The following SKP2 variants were observed in gnomAD, a reference collection of about 807,000 sequenced individuals.
SKP2 encodes S-phase kinase-associated protein 2.
In SKP2, 16 loss-of-function variants were observed where a neutral mutation model predicts 51.8. The observed-to-expected ratio is 0.31, with a 90% CI of 0.21 to 0.47. The LOEUF (loss-of-function observed/expected upper bound fraction) is 0.47, where lower values mean the gene tolerates loss of function less well. Ranked by LOEUF, SKP2 falls within the 20% of genes least tolerant of loss-of-function variation. The pLI is 1.00. For synonymous variants in SKP2, 176 were observed against 198.6 expected (o/e 0.89, Z 0.96); for missense variants, 377 against 505.3 (o/e 0.75, Z 2.43).
At position 36,166,543 on chromosome 5, in the gene SKP2, C is replaced by G. The variant is rs1745294342; in HGVS notation, c.417C>G (p.Thr139=). 1 of 1,614,020 alleles carries G rather than the reference C, an allele frequency of 6.2e-7. No individual in the cohort carries two copies. The change falls in exon 4 of 10, where the codon ACC becomes ACG. Residue 139 remains threonine, a synonymous_variant. Coordinates refer to ENST00000274255, the MANE Select transcript of SKP2 (RefSeq NM_005983.4). ...RLASDESLWQ[T]LDLTGKNLHP... ...GGTCTGATGAGTCTCTATGGCAGAC[C>G]TTAGACCTCACAGGTAAAAATCTGC... is the stretch of plus-strand genomic sequence containing the variant.
chr5:36,175,130 TAAG>T (rs1252218097), intron 7 of SKP2, among the ~76,000 whole-genome samples: 2 of 152,096 alleles, frequency 1.3e-5, no homozygotes, highest in Non-Finnish European at 2.9e-5. Flanking sequence ...CTTAAGGTGG[TAAG>T]AAATGATCAG....
chr5:36,185,005 G>A (rs1436274548), downstream of SKP2, among the ~76,000 whole-genome samples: 1 of 152,168 alleles, frequency 6.6e-6, no homozygotes, highest in Non-Finnish European at 1.5e-5. Flanking sequence ...GCATTTCTCT[G>A]ATGGCCAGTG....
At chr5:36,169,445 G>GA (rs3838319) in intron 5 of SKP2, among the ~76,000 whole-genome samples, 127,399 of 149,882 alleles carry the variant, frequency 0.85, 54,902 homozygotes, top group Non-Finnish European at 0.92. Flanking sequence ...AACTCCATCT[G>GA]AAAAAAAAAT....
At chr5:36,170,464 AT>A in intron 6 of SKP2, 22 bp downstream of exon 6, 1 of 1,361,918 alleles carries the variant, frequency 7.3e-7, no homozygotes, top group Non-Finnish European at 1.0e-6. Context: ...GTGAGACTTG[AT>A]TATAGACTCT....
Position 36,180,366 on chromosome 5 carries a change from T to G in SKP2, c.1062-1452T>G, listed in dbSNP as rs894330713. 7.1e-6 allele frequency: 5 copies of G among 708,858 alleles called. No individual in the cohort carries two copies. The Admixed American group carries it at 1.1e-4, about 16-fold the overall frequency. 43.9% of individuals were successfully genotyped at this position (708,858 alleles called of 1,614,324 possible). ...TGTTTCTACATTCCAGAAAGCAGTTTACTTAATGACAGCAATTTGTTCTTT... is the reference window on the plus strand; with the variant it reads ...TGTTTCTACATTCCAGAAAGCAGTTGACTTAATGACAGCAATTTGTTCTTT... On this transcript the variant is annotated intron_variant, in intron 9 of 9. Transcript: ENST00000274255.
chr5:36,191,221 T>TAAC (rs1476653360), intron 6 of SKP2, among the ~76,000 whole-genome samples: 2 of 152,106 alleles, frequency 1.3e-5, no homozygotes, highest in African/African-American at 4.8e-5. Context: ...AGATACTTGG[T>TAAC]AACATCTGAA....
At chr5:36,161,834 A>C (rs1205896421) in intron 2 of SKP2, among the ~76,000 whole-genome samples, 3 of 152,222 alleles carry the variant, frequency 2.0e-5, no homozygotes, top group African/African-American at 4.8e-5. Flanking sequence ...GTAGGAGGAG[A>C]GAATATCACC....
chr5:36,183,062 T>A lies in SKP2; in HGVS notation c.*1031T>A. ...TATCCATATATAAGGTTATCAGACC[T>A]ACAGTTCCCTAAGAGGAACTGCATG... On this transcript the variant is annotated 3_prime_UTR_variant, in exon 10 of 10. Transcript: ENST00000274255. 1.0e-6 allele frequency: 1 copy of A among 977,694 alleles called. No individual in the cohort carries two copies. Among genetic ancestry groups the A allele is most frequent in the Non-Finnish European group, 1.2e-6 (1 of 822,940 alleles). 60.6% of individuals were successfully genotyped at this position (977,694 alleles called of 1,614,324 possible).
At chr5:36,187,067 T>G (rs1745962287), downstream of SKP2, among the ~76,000 whole-genome samples, 1 of 152,228 alleles carries the variant, frequency 6.6e-6, no homozygotes, top group Non-Finnish European at 1.5e-5. Context: ...GTAGTTTGTA[T>G]TTCTGTGGGA....
chr5:36,158,032 G>A (rs1450651835), intron 2 of SKP2, among the ~76,000 whole-genome samples: 2 of 152,226 alleles, frequency 1.3e-5, no homozygotes, highest in African/African-American at 4.8e-5. Context: ...ATTGGAAACA[G>A]TGGTAGGTGA....
intron 3 of SKP2, among the ~76,000 whole-genome samples, chr5:36,165,131 A>G (rs1745245955): frequency 6.6e-6 from 1 of 152,208 alleles, no homozygotes; most frequent in Non-Finnish European, 1.5e-5. Context: ...GCTTTGTGAC[A>G]GGTGCAGTGT....
chr5:36,167,443 C>T (rs1051644361), intron 4 of SKP2, among the ~76,000 whole-genome samples: 1 of 152,126 alleles, frequency 6.6e-6, no homozygotes, highest in Admixed American at 6.5e-5. Context: ...CAAATGCTGT[C>T]CCTGGACAAG....
chr5:36,181,798 G>A lies in SKP2; in HGVS notation c.1062-20G>A. 1 of 1,613,308 alleles carries A rather than the reference G, an allele frequency of 6.2e-7. No individual in the cohort carries two copies. The highest frequency in any genetic ancestry group is 8.5e-7 in the Non-Finnish European group (1 of 1,179,552). On this transcript the variant is annotated intron_variant, in intron 9 of 9. Coordinates refer to ENST00000274255, the MANE Select transcript of SKP2 (RefSeq NM_005983.4). ...TTCCATAGATACTGCTATTCTGAAA[G>A]TCTTTTTCTTCCTTTCCAGTGAACT...
intron 6 of SKP2, among the ~76,000 whole-genome samples, chr5:36,189,533 C>T (rs756648145): frequency 2.0e-5 from 3 of 152,268 alleles, no homozygotes; most frequent in East Asian, 3.9e-4. Context: ...TGCAGAACAG[C>T]GAATATTGCT....
At chr5:36,159,083 T>C (rs1266692684) in intron 2 of SKP2, among the ~76,000 whole-genome samples, 2 of 152,220 alleles carry the variant, frequency 1.3e-5, no homozygotes, top group African/African-American at 4.8e-5. Context: ...TGTTAGGTAA[T>C]GGATGTGCAA....
chr5:36,161,874 G>A (rs1338498880), intron 2 of SKP2, among the ~76,000 whole-genome samples: 1 of 152,134 alleles, frequency 6.6e-6, no homozygotes, highest in Non-Finnish European at 1.5e-5. Context: ...CATCAGAGGT[G>A]GAAAGCCTAG....
chr5:36,183,807 G>C lies in SKP2; in HGVS notation c.*1776G>C. ...GCTTCAATTTCTTAATAGTTAAAAA[G>C]TGCTAAATACTACTTGAAATTATTG... On this transcript the variant is annotated 3_prime_UTR_variant, in exon 10 of 10. Transcript: ENST00000274255. 6.4e-7 allele frequency: 1 copy of C among 1,552,388 alleles called. No homozygotes were observed. Among genetic ancestry groups the C allele is most frequent in the Admixed American group, 2.1e-5 (1 of 46,858 alleles).
intron 7 of SKP2, 85 bp downstream of exon 7, chr5:36,171,818 A>C: frequency 7.3e-7 from 1 of 1,377,874 alleles, no homozygotes. Flanking sequence ...ATTCCTCCAC[A>C]TAAGTTTTCT....
rs566421525 is a variant in SKP2 at position 36,165,631 on chromosome 5, T to C, written c.393-888T>C. Among the ~76,000 whole-genome samples the C allele has an allele frequency of 2.6e-4, 39 of 152,344 alleles. 1 individual carries two copies. Among genetic ancestry groups the C allele is most frequent in the East Asian group, 2.1e-3 (11 of 5,180 alleles). ...TCTTATCTACAGTCCACCTTTTTAA[T>C]GATAGATTTGTCACACAAATCACAC... On this transcript the variant is annotated intron_variant, in intron 3 of 9. Coordinates refer to ENST00000274255, the MANE Select transcript of SKP2 (RefSeq NM_005983.4).
Sources: gnomAD v4.1 joint callset for allele counts (sites outside exome capture counted in the v4.1 genomes callset) on GRCh38, gnomAD v4.1.1 for gene constraint, MANE v1.5 for transcripts, NCBI Gene and HGNC (gene_info 2026-07-23, HGNC 2026-07-21) for gene names.